MAGI1: variants seen among roughly 807,000 people sequenced by gnomAD.
The protein encoded by MAGI1 is membrane associated guanylate kinase, WW and PDZ domain containing 1.
Under a neutral mutation model 139.9 loss-of-function variants are expected in MAGI1, and 58 were observed. The ratio of observed to expected loss-of-function variants is 0.41; its 90% CI spans 0.34 to 0.52. The LOEUF (loss-of-function observed/expected upper bound fraction) is 0.52. Ranked by LOEUF, MAGI1 falls within the 20% of genes least tolerant of loss-of-function variation. The pLI, the probability that MAGI1 is intolerant of heterozygous loss-of-function variation, is 0.12. For missense variants in MAGI1, 1,874 were observed against 1,901.6 expected (o/e 0.99, Z 0.27); for synonymous variants, 812 against 737.9 (o/e 1.10, Z -1.63).
chr3:65,577,670 G>A (rs1268453059), intron 2 of MAGI1, among the ~76,000 whole-genome samples: 1 of 152,134 alleles, frequency 6.6e-6, no homozygotes, highest in Non-Finnish European at 1.5e-5. Context: ...TGTTAGAACA[G>A]TGCTACGTTT....
chr3:65,648,153 CTT>C (rs11348687), intron 1 of MAGI1, among the ~76,000 whole-genome samples: 29 of 146,720 alleles, frequency 2.0e-4, no homozygotes, highest in African/African-American at 7.2e-4. Flanking sequence ...GAATGTATTT[CTT>C]TTTTTTTTTT....
At chr3:65,877,787 T>C (rs946088636) in intron 1 of MAGI1, among the ~76,000 whole-genome samples, 3 of 152,072 alleles carry the variant, frequency 2.0e-5, no homozygotes, top group African/African-American at 7.2e-5. Flanking sequence ...CCTGATCATC[T>C]ATGAGAACAG....
intron 1 of MAGI1, among the ~76,000 whole-genome samples, chr3:65,717,971 A>G (rs1232179136): frequency 1.3e-5 from 2 of 152,170 alleles, no homozygotes; most frequent in African/African-American, 4.8e-5. Context: ...CCAAGCTTCT[A>G]CTACCATGGT....
At chr3:65,637,801 T>C (rs1166528951) in intron 1 of MAGI1, among the ~76,000 whole-genome samples, 1 of 152,176 alleles carries the variant, frequency 6.6e-6, no homozygotes, top group Non-Finnish European at 1.5e-5. Flanking sequence ...CACTGCTCCA[T>C]CAGTGTCTGT....
chr3:65,400,540 A>T (rs1202093526), intron 13 of MAGI1, among the ~76,000 whole-genome samples: 1 of 152,102 alleles, frequency 6.6e-6, no homozygotes, highest in African/African-American at 2.4e-5. Flanking sequence ...AATGTTAATG[A>T]ATTGGGAAGC....
intron 2 of MAGI1, among the ~76,000 whole-genome samples, chr3:65,521,650 T>C (rs772266561): frequency 1.3e-5 from 2 of 151,280 alleles, no homozygotes; most frequent in African/African-American, 4.8e-5. Context: ...GTGATTTATC[T>C]TCCTCTTGGG....
At chr3:65,488,560 C>T (rs980357866) in intron 3 of MAGI1, among the ~76,000 whole-genome samples, 5 of 151,864 alleles carry the variant, frequency 3.3e-5, no homozygotes, top group South Asian at 2.1e-4. Context: ...AGGCTTGTGT[C>T]GAATTCCTGA....
At chr3:65,901,295 C>G (rs1402416890) in intron 1 of MAGI1, among the ~76,000 whole-genome samples, 1 of 152,136 alleles carries the variant, frequency 6.6e-6, no homozygotes, top group Admixed American at 6.5e-5. Context: ...CCATGCAGGC[C>G]CAGACCAGAG....
chr3:65,356,590 C>G lies in MAGI1; in HGVS notation c.4177G>C (p.Glu1393Gln). 1.9e-6 allele frequency: 3 copies of G among 1,597,444 alleles called. No homozygotes were observed. The highest frequency in any genetic ancestry group is 2.6e-6 in the Non-Finnish European group (3 of 1,172,540). Residue 1393 changes from glutamate (E) to glutamine (Q), a missense_variant, in exon 23 of 23, where the codon GAG (glutamate) becomes CAG (glutamine). Physicochemically the swap from Glu to Gln is conservative, Grantham distance 29. This residue lies in a region of MAGI1 where 653 missense variants were observed against 644.5 expected (regional missense o/e 1.01). Coordinates refer to ENST00000402939, the MANE Select transcript of MAGI1 (RefSeq NM_001033057.2). ...CGGTCGGTGGACTTGGCCCTGCGCT[C>G]GGGCGAGCCCCCTCTCCTGCGCTCG... ...SPERRRGGSP[E>Q]RRAKSTDRRR...
intron 2 of MAGI1, among the ~76,000 whole-genome samples, chr3:65,534,355 G>C (rs1038425432): frequency 1.3e-5 from 2 of 152,132 alleles, no homozygotes; most frequent in Non-Finnish European, 2.9e-5. Context: ...GCCAGGCGTA[G>C]TGGTGCACAC....
intron 1 of MAGI1, among the ~76,000 whole-genome samples, chr3:65,634,833 T>G (rs74327476): frequency 0.018 from 2,732 of 152,286 alleles, 34 homozygotes; most frequent in Middle Eastern, 0.051. Context: ...AAGTGACAAC[T>G]GCATCATGGC....
At chr3:65,876,356 A>G (rs1194577110) in intron 1 of MAGI1, among the ~76,000 whole-genome samples, 5 of 151,664 alleles carry the variant, frequency 3.3e-5, no homozygotes, top group Admixed American at 1.3e-4. Flanking sequence ...CACCCCCCCC[A>G]AAAAAGGCAA....
At chr3:65,808,843 A>C (rs1029588574) in intron 1 of MAGI1, among the ~76,000 whole-genome samples, 2 of 152,198 alleles carry the variant, frequency 1.3e-5, no homozygotes, top group African/African-American at 4.8e-5. Context: ...ATTTTTTTAA[A>C]GTGCATTCTC....
At chr3:65,844,383 T>G (rs1320265389) in intron 1 of MAGI1, 1 of 336,104 alleles carries the variant, frequency 3.0e-6, no homozygotes, top group Non-Finnish European at 5.7e-6. Context: ...AACAGAAAGT[T>G]ACTCAGAAGA....
intron 5 of MAGI1, among the ~76,000 whole-genome samples, chr3:65,454,029 C>A (rs1366444707): frequency 2.0e-5 from 3 of 152,066 alleles, no homozygotes; most frequent in Non-Finnish European, 4.4e-5. Context: ...TGGGGCCCTG[C>A]AGATTTGAAA....
intron 1 of MAGI1, among the ~76,000 whole-genome samples, chr3:65,937,008 G>GT (rs768511299): frequency 3.1e-4 from 47 of 150,874 alleles, no homozygotes; most frequent in Non-Finnish European, 5.9e-4. Flanking sequence ...GGTGGTGGTT[G>GT]TTTTAATCTC....
Position 65,453,408 on chromosome 3 carries a change from C to T in MAGI1, c.960-68G>A, listed in dbSNP as rs985743722. ...AAAAAAAAAGCAAGAAGCCCAATGA[C>T]GGAATTACACACTCTTGAATATTTC... On this transcript the variant is annotated intron_variant, in intron 5 of 22. Coordinates refer to ENST00000402939, the MANE Select transcript of MAGI1 (RefSeq NM_001033057.2). The T allele has an allele frequency of 4.3e-5, 48 of 1,104,254 alleles. No individual in the cohort carries two copies. In the African/African-American group the frequency reaches 5.8e-4, roughly 13 times the overall value. 68.4% of individuals were successfully genotyped at this position (1,104,254 alleles called of 1,614,324 possible). A position where few individuals can be genotyped will look rare whatever the true frequency, so the allele number is the denominator to read the frequency against.
At chr3:66,029,711 C>T (rs2068491707) in intron 1 of MAGI1, among the ~76,000 whole-genome samples, 1 of 152,190 alleles carries the variant, frequency 6.6e-6, no homozygotes, top group South Asian at 2.1e-4. Flanking sequence ...TTCCTGGGAG[C>T]ACCTCCCAGA....
intron 1 of MAGI1, among the ~76,000 whole-genome samples, chr3:65,641,671 G>A (rs1176758412): frequency 2.0e-5 from 3 of 152,146 alleles, no homozygotes; most frequent in Non-Finnish European, 4.4e-5. Context: ...ATGAGATAAG[G>A]AAGTGGAAAA....
Sources: allele counts gnomAD v4.1 joint callset (sites outside exome capture counted in the v4.1 genomes callset), GRCh38; gene constraint gnomAD v4.1.1; regional missense constraint gnomAD v4.1.1; transcripts MANE v1.5; gene names NCBI Gene and HGNC (gene_info 2026-07-23, HGNC 2026-07-21).